Variants in KCNJ10 observed in about 807,000 individuals in gnomAD.
KCNJ10 encodes potassium inwardly rectifying channel subfamily J member 10.
In KCNJ10, 9 loss-of-function variants were observed where a neutral mutation model predicts 22.2. The ratio of observed to expected loss-of-function variants is 0.40; its 90% CI spans 0.24 to 0.71. The LOEUF (loss-of-function observed/expected upper bound fraction) is 0.71. Ranked by LOEUF, KCNJ10 falls within the 30% of genes least tolerant of loss-of-function variation. The pLI, the probability that KCNJ10 is intolerant of heterozygous loss-of-function variation, is 0.35. For synonymous variants in KCNJ10, 184 were observed against 187.3 expected (o/e 0.98, Z 0.15); for missense variants, 337 against 482.7 (o/e 0.70, Z 2.83).
chr1:160,054,079 C>T (rs1648968270), intron 1 of KCNJ10, among the ~76,000 whole-genome samples: 1 of 152,200 alleles, frequency 6.6e-6, no homozygotes, highest in South Asian at 2.1e-4. Flanking sequence ...AGGATGGCAT[C>T]TTGGGGACCC....
Position 160,043,020 on chromosome 1 carries a change from A to G in KCNJ10, c.1-488T>C, listed in dbSNP as rs570446902. Among the ~76,000 whole-genome samples, 9 of 152,310 alleles carry G rather than the reference A, an allele frequency of 5.9e-5. No homozygotes were observed. In the South Asian group the frequency reaches 1.7e-3, roughly 28 times the overall value. On this transcript the variant is annotated intron_variant, in intron 1 of 1. Coordinates refer to ENST00000644903, the MANE Select transcript of KCNJ10 (RefSeq NM_002241.5). ...AAGAACTCACAGCCTAGTGAGAAAG[A>G]TGCCTATTTAGTAAGCAAATAATTG...
chr1:160,041,305 A>C lies in KCNJ10; in HGVS notation c.*88T>G. On this transcript the variant is annotated 3_prime_UTR_variant, in exon 2 of 2. Transcript: ENST00000644903. This position sits in a 1 kb window ranked among gnomAD's most constrained non-coding sequence, Gnocchi z 4.4. ...GAGTGGAGGATGGGTGCTTCGGGGGATCTCCAGTAAACCCGGGTAGTATTC... is the reference window on the plus strand; with the variant it reads ...GAGTGGAGGATGGGTGCTTCGGGGGCTCTCCAGTAAACCCGGGTAGTATTC... 1 of 1,325,350 alleles carries C rather than the reference A, an allele frequency of 7.5e-7. No homozygotes were observed. Among genetic ancestry groups the C allele is most frequent in the South Asian group, 1.3e-5 (1 of 79,452 alleles). 82.1% of individuals were successfully genotyped at this position (1,325,350 alleles called of 1,614,324 possible).
intron 1 of KCNJ10, among the ~76,000 whole-genome samples, chr1:160,043,814 G>A (rs1006913186): frequency 1.3e-5 from 2 of 152,350 alleles, no homozygotes; most frequent in Non-Finnish European, 2.9e-5. Flanking sequence ...CTTAATACAA[G>A]GTGCCTGGCA....
intron 1 of KCNJ10, among the ~76,000 whole-genome samples, chr1:160,066,796 C>T (rs1649330593): frequency 6.6e-6 from 1 of 152,160 alleles, no homozygotes; most frequent in Non-Finnish European, 1.5e-5. Flanking sequence ...CTCCATCACT[C>T]CTCTCGGAAG....
rs1426138918 is a variant in KCNJ10, at chr1:160,038,075, G to A, written c.*3318C>T. 1 of 152,186 alleles carries A rather than the reference G, an allele frequency of 6.6e-6. No homozygotes were observed. The highest frequency in any genetic ancestry group is 2.4e-5 in the African/African-American group (1 of 41,424). The allele number at this position is 152,186 out of a possible 1,614,324, so 9.4% of individuals were successfully genotyped here. On this transcript the variant is annotated 3_prime_UTR_variant, in exon 2 of 2. Coordinates refer to ENST00000644903, the MANE Select transcript of KCNJ10 (RefSeq NM_002241.5). ...CACAAAAGGCTGGGCCTTGACCTTG[G>A]GAGATCTTCAGCCTAACAGCTATTA...
At chr1:160,061,429 G>T (rs1188430076) in intron 1 of KCNJ10, among the ~76,000 whole-genome samples, 1 of 152,108 alleles carries the variant, frequency 6.6e-6, no homozygotes, top group Non-Finnish European at 1.5e-5. Context: ...GCCAGGTGGG[G>T]CTTTAGTTAT....
intron 1 of KCNJ10, among the ~76,000 whole-genome samples, chr1:160,046,840 G>A (rs545097952): frequency 6.6e-6 from 1 of 152,088 alleles, no homozygotes; most frequent in South Asian, 2.1e-4. Context: ...GGGCACCCCC[G>A]CAAAATAAAA....
rs1328292105 is a variant in KCNJ10, at chr1:160,038,114, G to A, written c.*3279C>T. On this transcript the variant is annotated 3_prime_UTR_variant, in exon 2 of 2. Coordinates refer to ENST00000644903, the MANE Select transcript of KCNJ10 (RefSeq NM_002241.5). ...TAACAGCTATTAGTCCTGGCATTTG[G>A]ATTCCAGGGTTGAGGCTTCCCATTA... is the stretch of plus-strand genomic sequence containing the variant. The A allele has an allele frequency of 6.6e-6, 1 of 152,208 alleles. No homozygotes were observed. The highest frequency in any genetic ancestry group is 1.5e-5 in the Non-Finnish European group (1 of 68,054). The allele number at this position is 152,208 out of a possible 1,614,324, so 9.4% of individuals were successfully genotyped here. A position where few individuals can be genotyped will look rare whatever the true frequency, so the allele number is the denominator to read the frequency against.
intron 1 of KCNJ10, among the ~76,000 whole-genome samples, chr1:160,053,607 AGTGT>A (rs58451151): frequency 0.78 from 115,639 of 149,112 alleles, 45,084 homozygotes; most frequent in East Asian, 0.9. Flanking sequence ...AAAAGAGGGC[AGTGT>A]GTGTGTGTGT....
intron 1 of KCNJ10, among the ~76,000 whole-genome samples, chr1:160,046,993 C>T (rs776285932): frequency 2.0e-5 from 3 of 152,222 alleles, no homozygotes; most frequent in Admixed American, 6.5e-5. Flanking sequence ...TAAGACTGAA[C>T]TAGTGATCCT....
intron 1 of KCNJ10, among the ~76,000 whole-genome samples, chr1:160,049,675 T>TA (rs1648834329): frequency 1.5e-4 from 7 of 47,114 alleles, no homozygotes; most frequent in Admixed American, 3.2e-4. Flanking sequence ...TTTTATTTAT[T>TA]TATATATATA....
Position 160,038,017 on chromosome 1 carries a change from T to C in KCNJ10, c.*3376A>G, listed in dbSNP as rs1353592528. On this transcript the variant is annotated 3_prime_UTR_variant, in exon 2 of 2. Coordinates refer to ENST00000644903, the MANE Select transcript of KCNJ10 (RefSeq NM_002241.5). Reference sequence around the variant, plus strand: ...TGCCAGGATTGGAACTCTTCTGGAATCCATGGCTTTCTCTTTGGGCTGCTT... The same window carrying C: ...TGCCAGGATTGGAACTCTTCTGGAACCCATGGCTTTCTCTTTGGGCTGCTT... 1 of 152,278 alleles carries C rather than the reference T, an allele frequency of 6.6e-6. No individual in the cohort carries two copies. Among genetic ancestry groups the C allele is most frequent in the Non-Finnish European group, 1.5e-5 (1 of 68,068 alleles). 9.4% of individuals were successfully genotyped at this position (152,278 alleles called of 1,614,324 possible). A position where few individuals can be genotyped will look rare whatever the true frequency, so the allele number is the denominator to read the frequency against.
chr1:160,044,626 T>C (rs1648698236), intron 1 of KCNJ10: 1 of 152,178 alleles, frequency 6.6e-6, no homozygotes, highest in African/African-American at 2.4e-5. Context: ...GATTCTAGAA[T>C]GGAATATTAA....
intron 1 of KCNJ10, among the ~76,000 whole-genome samples, chr1:160,045,960 C>A (rs1457119593): frequency 2.0e-5 from 3 of 152,174 alleles, no homozygotes; most frequent in African/African-American, 7.2e-5. Flanking sequence ...CAGGAAGGCA[C>A]TTTGGACAAG....
Position 160,038,427 on chromosome 1 carries a change from G to A in KCNJ10, c.*2966C>T, listed in dbSNP as rs1250183095. On this transcript the variant is annotated 3_prime_UTR_variant, in exon 2 of 2. Coordinates refer to ENST00000644903, the MANE Select transcript of KCNJ10 (RefSeq NM_002241.5). The stretch of plus-strand genomic sequence containing the variant: ...ATCAGTAGCATAGGATTCAACAAAA[G>A]CCTTCATGAATGCCTCTTTATTTCT... 1 of 152,096 alleles carries A rather than the reference G, an allele frequency of 6.6e-6. No individual in the cohort carries two copies. The highest frequency in any genetic ancestry group is 1.5e-5 in the Non-Finnish European group (1 of 68,022). The allele number at this position is 152,096 out of a possible 1,614,324, so 9.4% of individuals were successfully genotyped here.
At chr1:160,062,188 C>A in intron 1 of KCNJ10, among the ~76,000 whole-genome samples, 1 of 152,162 alleles carries the variant, frequency 6.6e-6, no homozygotes, top group East Asian at 1.9e-4. Flanking sequence ...GGGGGAGTCA[C>A]CTCCTGCCCA....
At chr1:160,044,554 C>CA (rs1648696419) in intron 1 of KCNJ10, among the ~76,000 whole-genome samples, 1 of 151,866 alleles carries the variant, frequency 6.6e-6, no homozygotes, top group Admixed American at 6.6e-5. Context: ...TTTTAATTTT[C>CA]AAAAAGAAAA....
In KCNJ10 at chr1:160,041,355, A is replaced by G. The variant is rs748892244; in HGVS notation, c.*38T>C. 6.3e-7 allele frequency: 1 copy of G among 1,595,922 alleles called. No individual in the cohort carries two copies. Among genetic ancestry groups the G allele is most frequent in the South Asian group, 1.1e-5 (1 of 89,468 alleles). On this transcript the variant is annotated 3_prime_UTR_variant, in exon 2 of 2. Transcript: ENST00000644903. This position sits in a 1 kb window ranked among gnomAD's most constrained non-coding sequence, Gnocchi z 4.4. ...CCTTACCAGGGCATTGGAAGAGAGG[A>G]AAAGAGACCAGAGGAATGGGGGAGT...
chr1:160,042,988 G>T (rs192256179), intron 1 of KCNJ10, among the ~76,000 whole-genome samples: 119 of 151,920 alleles, frequency 7.8e-4, no homozygotes, highest in African/African-American at 2.7e-3. Context: ...ACATCATTCT[G>T]CTCTCCAAGA....
Sources: allele counts gnomAD v4.1 joint callset (sites outside exome capture counted in the v4.1 genomes callset), GRCh38; gene constraint gnomAD v4.1.1; non-coding constraint Gnocchi (gnomAD v3.1); transcripts MANE v1.5; gene names NCBI Gene and HGNC (gene_info 2026-07-23, HGNC 2026-07-21).